Variants in ITSN1 observed in about 807,000 individuals in gnomAD.
ITSN1 encodes intersectin 1.
A neutral mutation model predicts 239.8 loss-of-function variants in ITSN1; 58 were observed. That is an observed-to-expected ratio of 0.24 (90% CI 0.20 to 0.30). The LOEUF is 0.30. Among genes scored for constraint, ITSN1 ranks in the 10% least tolerant of loss-of-function variants. The pLI, the probability that ITSN1 is intolerant of heterozygous loss-of-function variation, is 1.00. For missense variants in ITSN1, 1,558 were observed against 2,103.3 expected (o/e 0.74, Z 5.07); for synonymous variants, 780 against 770.8 (o/e 1.01, Z -0.20).
rs368635137 is a variant in ITSN1, at chr21:33,669,565, G to A, written c.-33+26852G>A. On this transcript the variant is annotated intron_variant, in intron 1 of 39. Coordinates refer to ENST00000381318, the MANE Select transcript of ITSN1 (RefSeq NM_003024.3). ...AGCAATTCTCCTGCCTCAGCCGCCC[G>A]ATTAGCTGGAATTACAGGCATGCGC... 2.4e-4 allele frequency among the ~76,000 whole-genome samples: 37 copies of A among 151,776 alleles called. No homozygotes were observed. The East Asian group carries it at 4.5e-3, about 18-fold the overall frequency.
chr21:33,704,195 G>A (rs1242523471), intron 1 of ITSN1, among the ~76,000 whole-genome samples: 1 of 152,204 alleles, frequency 6.6e-6, no homozygotes, highest in African/African-American at 2.4e-5. Flanking sequence ...ATGTTTACAC[G>A]TCAGGAAGCT....
At chr21:33,676,524 A>G (rs767076183) in intron 1 of ITSN1, among the ~76,000 whole-genome samples, 10 of 152,180 alleles carry the variant, frequency 6.6e-5, no homozygotes, top group Non-Finnish European at 1.5e-4. Context: ...CACCGTGCCC[A>G]GCCTCTGCCA....
At chr21:33,846,226 A>G (rs1452067718) in intron 29 of ITSN1, among the ~76,000 whole-genome samples, 1 of 152,044 alleles carries the variant, frequency 6.6e-6, no homozygotes, top group African/African-American at 2.4e-5. Context: ...CCCAGCTGCA[A>G]ATGCCTTTGC....
Position 33,856,746 on chromosome 21 carries a change from C to G in ITSN1, c.3672C>G (p.Asp1224Glu), listed in dbSNP as rs1979414884. ...GGTTGTGTTTTCCAGGGTGTTCAGACTTACATCTCTTGGATATGTTGACCC... is the reference window on the plus strand; with the variant it reads ...GGTTGTGTTTTCCAGGGTGTTCAGAGTTACATCTCTTGGATATGTTGACCC... ...DMDPSQQWCS[D>E]LHLLDMLTPT... The change falls in exon 30 of 40, where the codon GAC (aspartate) becomes GAG (glutamate). Residue 1224 changes from aspartate to glutamate, a missense_variant. Physicochemically the swap from Asp to Glu is conservative, Grantham distance 45 (BLOSUM62 2). Coordinates refer to ENST00000381318, the MANE Select transcript of ITSN1 (RefSeq NM_003024.3). The G allele has an allele frequency of 6.2e-7, 1 of 1,613,878 alleles. No homozygotes were observed. The highest frequency in any genetic ancestry group is 8.5e-7 in the Non-Finnish European group (1 of 1,179,924).
intron 1 of ITSN1, among the ~76,000 whole-genome samples, chr21:33,702,387 G>T (rs1314999777): frequency 6.6e-6 from 1 of 152,082 alleles, no homozygotes; most frequent in Non-Finnish European, 1.5e-5. Flanking sequence ...AAAGTGCTGG[G>T]TTTACAGGCG....
At chr21:33,800,931 C>T (rs1439901308) in intron 19 of ITSN1, among the ~76,000 whole-genome samples, 1 of 151,672 alleles carries the variant, frequency 6.6e-6, no homozygotes, top group Non-Finnish European at 1.5e-5. Flanking sequence ...TCCCTGCAAC[C>T]TCTGCCTCCC....
In ITSN1 at chr21:33,750,453, T is replaced by A; in HGVS notation, c.526+131T>A. 6 of 831,274 alleles carry A rather than the reference T, an allele frequency of 7.2e-6. No individual in the cohort carries two copies. In the South Asian group the frequency reaches 1.1e-4, roughly 15 times the overall value. 51.5% of individuals were successfully genotyped at this position (831,274 alleles called of 1,614,324 possible). On this transcript the variant is annotated intron_variant, in intron 6 of 39. Transcript: ENST00000381318. ...TTAGTCCAGAGGAAAATATCTTTAT[T>A]TTTTTCACTTGATTTCACATTTTTT...
At chr21:33,747,568 A>C (rs572457917) in intron 5 of ITSN1, among the ~76,000 whole-genome samples, 19 of 152,328 alleles carry the variant, frequency 1.2e-4, no homozygotes, top group African/African-American at 4.3e-4. Flanking sequence ...AAACACAGAG[A>C]TAAAACCTTG....
At chr21:33,806,174 G>GCA (rs1483948315) in intron 20 of ITSN1, among the ~76,000 whole-genome samples, 1 of 127,316 alleles carries the variant, frequency 7.9e-6, no homozygotes, top group East Asian at 2.2e-4. Context: ...TCGCGCCACT[G>GCA]CACTCCAGCC....
At chr21:33,885,629 C>G in intron 38 of ITSN1, 107 bp downstream of exon 38, 3 of 819,646 alleles carry the variant, frequency 3.7e-6, no homozygotes, top group Non-Finnish European at 6.2e-6. Flanking sequence ...TCCATACTCC[C>G]TGATCTCCTT....
At chr21:33,646,782 A>G (rs975114984) in intron 1 of ITSN1, among the ~76,000 whole-genome samples, 1 of 152,230 alleles carries the variant, frequency 6.6e-6, no homozygotes, top group Non-Finnish European at 1.5e-5. Flanking sequence ...TAACCCATTT[A>G]ATTATTGTAC....
rs1348354763 is a variant in ITSN1 at position 33,894,668 on chromosome 21, T to G, written c.*6368T>G. The G allele has an allele frequency of 6.6e-6, 1 of 152,242 alleles. No homozygotes were observed. Among genetic ancestry groups the G allele is most frequent in the Non-Finnish European group, 1.5e-5 (1 of 68,050 alleles). The allele number at this position is 152,242 out of a possible 1,614,324, so 9.4% of individuals were successfully genotyped here. On this transcript the variant is annotated 3_prime_UTR_variant, in exon 40 of 40. Coordinates refer to ENST00000381318, the MANE Select transcript of ITSN1 (RefSeq NM_003024.3). Reference sequence around the variant, plus strand: ...TTCCAGAAGTTCTGGTTTTATACTTTTATCTTTTGAAAGAATAACATTCCT... The same window carrying G: ...TTCCAGAAGTTCTGGTTTTATACTTGTATCTTTTGAAAGAATAACATTCCT...
At chr21:33,706,731 A>C (rs1200594212) in intron 1 of ITSN1, among the ~76,000 whole-genome samples, 1 of 151,954 alleles carries the variant, frequency 6.6e-6, no homozygotes, top group Non-Finnish European at 1.5e-5. Flanking sequence ...TATCCTTTCA[A>C]TTCAGGTTTT....
intron 1 of ITSN1, among the ~76,000 whole-genome samples, chr21:33,653,351 G>T (rs1296894507): frequency 6.6e-6 from 1 of 152,112 alleles, no homozygotes; most frequent in African/African-American, 2.4e-5. Flanking sequence ...AGTACACGCT[G>T]TATATGCCTG....
At chr21:33,867,180 T>C (rs1334935487) in intron 32 of ITSN1, 53 bp from the exon 33 acceptor site, 11 of 1,027,524 alleles carry the variant, frequency 1.1e-5, no homozygotes, top group Non-Finnish European at 1.7e-5. Flanking sequence ...TTGATGTCAC[T>C]AACTTTGGAT....
intron 16 of ITSN1, among the ~76,000 whole-genome samples, chr21:33,791,698 T>C (rs1039826083): frequency 6.6e-6 from 1 of 152,162 alleles, no homozygotes; most frequent in African/African-American, 2.4e-5. Flanking sequence ...GCGGTATAAT[T>C]CTTGGGGAAA....
intron 20 of ITSN1, among the ~76,000 whole-genome samples, chr21:33,806,796 C>T (rs953019758): frequency 6.6e-6 from 1 of 152,152 alleles, no homozygotes; most frequent in Non-Finnish European, 1.5e-5. Context: ...CCCTTATAGC[C>T]CCCAGTAGGT....
chr21:33,701,521 G>A (rs1186392811), intron 1 of ITSN1, among the ~76,000 whole-genome samples: 12 of 151,932 alleles, frequency 7.9e-5, no homozygotes, highest in African/African-American at 2.9e-4. Context: ...GGCTGGGCAT[G>A]GTGACGCACG....
At position 33,664,753 on chromosome 21, in the gene ITSN1, C is replaced by A. The variant is rs374688282; in HGVS notation, c.-33+22040C>A. ...TGTATAAGAAATGATTGTTATTATT[C>A]TTATCACCTGTGATCCAAGCCTGGA... On this transcript the variant is annotated intron_variant, in intron 1 of 39. Transcript: ENST00000381318. Among the ~76,000 whole-genome samples the A allele has an allele frequency of 4.1e-4, 63 of 152,272 alleles. No individual in the cohort carries two copies. In the South Asian group the frequency reaches 0.013, roughly 31 times the overall value.
Sources: allele counts gnomAD v4.1 joint callset (sites outside exome capture counted in the v4.1 genomes callset), GRCh38; gene constraint gnomAD v4.1.1; transcripts MANE v1.5; gene names NCBI Gene and HGNC (gene_info 2026-07-23, HGNC 2026-07-21).